FGD6: variants seen among roughly 807,000 people sequenced by gnomAD.
FGD6 encodes FYVE, RhoGEF and PH domain containing 6.
In FGD6, 90 loss-of-function variants were observed where a neutral mutation model predicts 149.4. The observed-to-expected ratio is 0.60, with a 90% CI of 0.51 to 0.72. FGD6 has a LOEUF of 0.72. FGD6 is among the 30% of genes least tolerant of loss of function. The pLI, the probability that FGD6 is intolerant of heterozygous loss-of-function variation, is 0.00. For synonymous variants in FGD6, 527 were observed against 584.0 expected, an observed-to-expected ratio of 0.90 and a Z score of 1.41; for missense variants, 1,437 against 1,684.8, an observed-to-expected ratio of 0.85 and a Z score of 2.57.
At chr12:95,147,109 G>A (rs933543609) in intron 5 of FGD6, among the ~76,000 whole-genome samples, 18 of 152,044 alleles carry the variant, frequency 1.2e-4, no homozygotes, top group African/African-American at 4.3e-4. Context: ...AGCCCTACAA[G>A]GTTCCCTGTC....
intron 14 of FGD6, among the ~76,000 whole-genome samples, chr12:95,096,154 T>C (rs1878224683): frequency 6.6e-6 from 1 of 152,224 alleles, no homozygotes; most frequent in Non-Finnish European, 1.5e-5. Context: ...TTTCTGGTAT[T>C]ATTTGCCCTA....
intron 18 of FGD6, among the ~76,000 whole-genome samples, chr12:95,086,536 C>CA (rs1877870095): frequency 9.5e-6 from 1 of 105,756 alleles, no homozygotes; most frequent in African/African-American, 3.5e-5. Flanking sequence ...TTTTTTTTTT[C>CA]TTTTTTTTTT....
chr12:95,144,065 C>T (rs1879936393), intron 5 of FGD6, among the ~76,000 whole-genome samples: 1 of 152,182 alleles, frequency 6.6e-6, no homozygotes, highest in Non-Finnish European at 1.5e-5. Flanking sequence ...CCAGACCCTG[C>T]ATTCCATATG....
In FGD6 at chr12:95,105,729, A is replaced by C. The variant is rs868321693; in HGVS notation, c.3418-643T>G. On this transcript the variant is annotated intron_variant, in intron 13 of 20. Transcript: ENST00000343958. ...CAAATGACTACATGAATGAATAATC[A>C]AATGCATAAACAGGCAGGGCGCAGT... Among the ~76,000 whole-genome samples, 6 of 152,222 alleles carry C rather than the reference A, an allele frequency of 3.9e-5. No individual in the cohort carries two copies. The South Asian group carries it at 6.2e-4, about 16-fold the overall frequency.
At chr12:95,157,566 C>CAAAAAA in intron 3 of FGD6, among the ~76,000 whole-genome samples, 1 of 113,228 alleles carries the variant, frequency 8.8e-6, no homozygotes. Context: ...AACTCTGTCT[C>CAAAAAA]AAAAAAAAAA....
chr12:95,174,541 G>C (rs933582811), intron 2 of FGD6, among the ~76,000 whole-genome samples: 3 of 152,118 alleles, frequency 2.0e-5, no homozygotes, highest in African/African-American at 7.2e-5. Context: ...GCTCTAAAAG[G>C]CTTTTTGATC....
At chr12:95,195,538 G>A (rs1191707097) in intron 2 of FGD6, among the ~76,000 whole-genome samples, 7 of 151,426 alleles carry the variant, frequency 4.6e-5, no homozygotes, top group African/African-American at 1.2e-4. Flanking sequence ...CTTTGATAAC[G>A]AAATGTCCTG....
intron 8 of FGD6, among the ~76,000 whole-genome samples, chr12:95,131,566 T>C (rs1042693267): frequency 2.6e-5 from 4 of 152,080 alleles, no homozygotes; most frequent in African/African-American, 2.4e-5. Context: ...CAGAGATGGC[T>C]ACAAAGAGAA....
At chr12:95,175,065 C>T (rs1366438777) in intron 2 of FGD6, among the ~76,000 whole-genome samples, 1 of 151,436 alleles carries the variant, frequency 6.6e-6, no homozygotes, top group Non-Finnish European at 1.5e-5. Flanking sequence ...ATTAGGGATA[C>T]AAGAGGGATT....
chr12:95,194,478 G>A (rs1881685054), intron 2 of FGD6, among the ~76,000 whole-genome samples: 1 of 152,064 alleles, frequency 6.6e-6, no homozygotes, highest in South Asian at 2.1e-4. Flanking sequence ...CAGGTGATCT[G>A]CCCACCTCAG....
chr12:95,105,549 T>C (rs1236986570), intron 13 of FGD6, among the ~76,000 whole-genome samples: 1 of 152,244 alleles, frequency 6.6e-6, no homozygotes, highest in African/African-American at 2.4e-5. Flanking sequence ...ACGTGTAGTG[T>C]ACTGTCTTCC....
Position 95,101,681 on chromosome 12 carries a change from CTTTTTTTTTTT to C in FGD6, c.3497+3315_3497+3325del, listed in dbSNP as rs757955014. Among the ~76,000 whole-genome samples the C allele has an allele frequency of 2.2e-3, 240 of 107,818 alleles. 1 individual carries two copies. Among genetic ancestry groups the C allele is most frequent in the African/African-American group, 7.8e-3 (220 of 28,132 alleles). 70.7% of individuals were successfully genotyped at this position (107,818 alleles called of 152,430 possible). On this transcript the variant is annotated intron_variant, in intron 14 of 20. Coordinates refer to ENST00000343958, the MANE Select transcript of FGD6 (RefSeq NM_018351.4). ...ATGGTCTTAATGTTCTTTGAACTTT[CTTTTTTTTTTT>C]TTTTTTTTTGAGATGGAGCCTCACT...
chr12:95,139,472 AT>A (rs548647247), intron 6 of FGD6, among the ~76,000 whole-genome samples: 218 of 142,888 alleles, frequency 1.5e-3, no homozygotes, highest in African/African-American at 1.5e-3. Flanking sequence ...ATAAGCCCCA[AT>A]TTTTTTTTTT....
At chr12:95,085,391 C>T (rs562310668) in intron 19 of FGD6, among the ~76,000 whole-genome samples, 2 of 152,040 alleles carry the variant, frequency 1.3e-5, no homozygotes, top group African/African-American at 2.4e-5. Context: ...TTAGTAGAGA[C>T]GGGGTTTCGC....
rs746134079 is a variant in FGD6 at position 95,208,981 on chromosome 12, G to C, written c.2303C>G (p.Ala768Gly). The C allele has an allele frequency of 6.2e-7, 1 of 1,614,078 alleles. No individual in the cohort carries two copies. Among genetic ancestry groups the C allele is most frequent in the Non-Finnish European group, 8.5e-7 (1 of 1,180,012 alleles). The change falls in exon 2 of 21, where the codon GCT (alanine) becomes GGT (glycine). Residue 768 changes from alanine to glycine, a missense_variant. Physicochemically the swap from Ala to Gly is moderately conservative, Grantham distance 60. Transcript: ENST00000343958. ...PEYENLPFIM[A>G]IRKTQELEWQ... is the part of the protein sequence containing the mutation. ...TTCCAACTCTTGAGTTTTCCGTATAGCCATAATAAATGGCAAGTTCTCGTA... is the reference window on the plus strand; with the variant it reads ...TTCCAACTCTTGAGTTTTCCGTATACCCATAATAAATGGCAAGTTCTCGTA...
chr12:95,088,403 A>G (rs1291136528), intron 18 of FGD6, among the ~76,000 whole-genome samples: 1 of 152,120 alleles, frequency 6.6e-6, no homozygotes, highest in East Asian at 1.9e-4. Context: ...AAATAATCCA[A>G]CTCCAACTCA....
At chr12:95,118,574 A>T (rs1879093121) in intron 8 of FGD6, among the ~76,000 whole-genome samples, 1 of 152,192 alleles carries the variant, frequency 6.6e-6, no homozygotes, top group East Asian at 1.9e-4. Context: ...TTTTGCATTC[A>T]ACACCCAGTC....
intron 5 of FGD6, 85 bp from the exon 6 acceptor site, chr12:95,141,624 A>C: frequency 6.9e-7 from 1 of 1,456,500 alleles, no homozygotes. Context: ...TCCTCCCTAA[A>C]ATGATACAGA....
intron 3 of FGD6, among the ~76,000 whole-genome samples, chr12:95,172,297 A>T (rs918616821): frequency 7.2e-5 from 11 of 152,014 alleles, no homozygotes; most frequent in Admixed American, 6.6e-5. Flanking sequence ...GATGGCTTGA[A>T]CCCGGGAGGT....
Sources: allele counts gnomAD v4.1 joint callset (sites outside exome capture counted in the v4.1 genomes callset), GRCh38; gene constraint gnomAD v4.1.1; transcripts MANE v1.5; gene names NCBI Gene and HGNC (gene_info 2026-07-23, HGNC 2026-07-21).